The following OPTN variants were observed in gnomAD, a reference collection of about 807,000 sequenced individuals.
OPTN encodes the protein E3-14.7K-interacting protein.
In OPTN, 54 loss-of-function variants were observed where a neutral mutation model predicts 70.4. The ratio of observed to expected loss-of-function variants is 0.77; its 90% CI spans 0.62 to 0.96. The LOEUF is 0.96. OPTN is among the 40% of genes least tolerant of loss of function. The pLI is 0.00. For synonymous variants in OPTN, 256 were observed against 248.5 expected (o/e 1.03, Z -0.28); for missense variants, 624 against 673.2 (o/e 0.93, Z 0.81).
chr10:13,103,850 C>A (rs1330024695), intron 1 of OPTN, among the ~76,000 whole-genome samples: 1 of 152,174 alleles, frequency 6.6e-6, no homozygotes, highest in Non-Finnish European at 1.5e-5. Context: ...AGTCCTCAGT[C>A]TTCCTCATTG....
chr10:13,103,742 G>GCACACACACACACA (rs771828062), intron 1 of OPTN, among the ~76,000 whole-genome samples: 2,014 of 64,852 alleles, frequency 0.031, 34 homozygotes, highest in African/African-American at 0.053. Context: ...ACACACACAT[G>GCACACACACACACA]CACACACACA....
At chr10:13,117,794 A>G (rs748999061) in intron 6 of OPTN, among the ~76,000 whole-genome samples, 1 of 152,226 alleles carries the variant, frequency 6.6e-6, no homozygotes, top group Non-Finnish European at 1.5e-5. Context: ...ATGAATGTGC[A>G]TATAGAATGA....
Position 13,133,546 on chromosome 10 carries a change from G to A in OPTN, c.1577G>A (p.Ser526Asn). ...CAGAGTCGTCATGGGGCGAGAACAA[G>A]TGACTCTGACCAGCAGGCTTACCTT... is the stretch of plus-strand genomic sequence containing the variant. ...EMQSRHGART[S>N]DSDQQAYLVQ... Residue 526 changes from serine (S) to asparagine (N), a missense_variant, in exon 14 of 15, where the codon AGT becomes AAT. Physicochemically the swap from Ser to Asn is conservative, Grantham distance 46 (BLOSUM62 1). Transcript: ENST00000378747. The A allele has an allele frequency of 1.9e-6, 3 of 1,614,176 alleles. No individual in the cohort carries two copies. Among genetic ancestry groups the A allele is most frequent in the Middle Eastern group, 3.3e-4 (2 of 6,062 alleles).
At chr10:13,128,213 G>A (rs549996125) in intron 12 of OPTN, among the ~76,000 whole-genome samples, 1 of 152,224 alleles carries the variant, frequency 6.6e-6, no homozygotes, top group South Asian at 2.1e-4. Context: ...ACCTAGGAGT[G>A]GAGTCGCTGG....
chr10:13,127,373 C>G (rs1010901238), intron 11 of OPTN, among the ~76,000 whole-genome samples: 1 of 152,190 alleles, frequency 6.6e-6, no homozygotes, highest in African/African-American at 2.4e-5. Flanking sequence ...GGCAAAATAA[C>G]AGTATCAACG....
intron 14 of OPTN, among the ~76,000 whole-genome samples, chr10:13,135,021 A>G (rs921023393): frequency 6.6e-6 from 1 of 152,194 alleles, no homozygotes; most frequent in African/African-American, 2.4e-5. Flanking sequence ...ATGCTTTATG[A>G]TCAATACATA....
chr10:13,112,118 G>A (rs1414358740), intron 4 of OPTN, among the ~76,000 whole-genome samples: 2 of 150,220 alleles, frequency 1.3e-5, no homozygotes, highest in Admixed American at 6.6e-5. Flanking sequence ...CAAAGTGCTG[G>A]GATTACAGGC....
rs530715528 is a variant in OPTN, at chr10:13,130,893, T to A, written c.1402-1174T>A. Among the ~76,000 whole-genome samples, 113 of 152,276 alleles carry A rather than the reference T, an allele frequency of 7.4e-4. 1 individual carries two copies. The highest frequency in any genetic ancestry group is 2.6e-3 in the African/African-American group (108 of 41,560). ...AAGTGTTTTGTTATTTATAATTTTTTAAAAATTACTTAATTTTTAAAATGT... is the reference window on the plus strand; with the variant it reads ...AAGTGTTTTGTTATTTATAATTTTTAAAAAATTACTTAATTTTTAAAATGT... On this transcript the variant is annotated intron_variant, in intron 12 of 14. Coordinates refer to ENST00000378747, the MANE Select transcript of OPTN (RefSeq NM_001008212.2).
intron 10 of OPTN, 103 bp downstream of exon 10, chr10:13,125,670 C>A (rs1033008206): frequency 2.8e-6 from 4 of 1,429,992 alleles, no homozygotes; most frequent in African/African-American, 2.9e-5. Context: ...TAAAAAATTT[C>A]TTTTTCACTT....
intron 1 of OPTN, among the ~76,000 whole-genome samples, chr10:13,105,166 C>T (rs1010443821): frequency 7.2e-5 from 11 of 152,132 alleles, no homozygotes; most frequent in African/African-American, 2.7e-4. Flanking sequence ...ACCGTTTATG[C>T]TAACTTCTTA....
intron 9 of OPTN, 31 bp downstream of exon 9, chr10:13,124,141 T>A (rs375860150): frequency 2.3e-5 from 29 of 1,266,564 alleles, no homozygotes; most frequent in Non-Finnish European, 3.1e-5. Flanking sequence ...TTATCCTCCT[T>A]TGAAATATAC....
In OPTN at chr10:13,108,907, CGT is replaced by C. The variant is rs1491493090; in HGVS notation, c.-11-203_-11-202del. 70 of 586,994 alleles carry C rather than the reference CGT, an allele frequency of 1.2e-4. 1 individual carries two copies. The highest frequency in any genetic ancestry group is 1.7e-4 in the Admixed American group (7 of 40,832). The allele number at this position is 586,994 out of a possible 1,614,324, so 36.4% of individuals were successfully genotyped here. On this transcript the variant is annotated intron_variant, in intron 2 of 14. Coordinates refer to ENST00000378747, the MANE Select transcript of OPTN (RefSeq NM_001008212.2). ...GCACACACACACATGCACACATGCG[CGT>C]GCACACACACACACACTTTTCTGAA... is the stretch of plus-strand genomic sequence containing the variant.
chr10:13,100,655 G>A (rs532897041), intron 1 of OPTN, among the ~76,000 whole-genome samples: 18 of 152,324 alleles, frequency 1.2e-4, no homozygotes, highest in Admixed American at 3.9e-4. Context: ...CCAGTTCCTC[G>A]CCATAAGGAG....
chr10:13,119,125 T>TTAAA, intron 7 of OPTN, 85 bp downstream of exon 7: 1 of 1,230,232 alleles, frequency 8.1e-7, no homozygotes, highest in Non-Finnish European at 1.2e-6. Context: ...GTTCACCCAT[T>TTAAA]TAAAGTATAC....
intron 5 of OPTN, 112 bp downstream of exon 5, chr10:13,112,747 A>G (rs1833036710): frequency 2.9e-6 from 3 of 1,044,870 alleles, no homozygotes; most frequent in Non-Finnish European, 4.4e-6. Flanking sequence ...AGGAAATTCC[A>G]GTGTAGCAAA....
In OPTN at chr10:13,136,830, C is replaced by G. The variant is rs757577181; in HGVS notation, c.1698C>G (p.Asp566Glu). 2.5e-6 allele frequency: 4 copies of G among 1,614,218 alleles called. No homozygotes were observed. Among genetic ancestry groups the G allele is most frequent in the Non-Finnish European group, 3.4e-6 (4 of 1,180,030 alleles). ...PKCGEVLPDIDTLQIHVMDCI... is the reference protein window; with the variant it reads ...PKCGEVLPDIETLQIHVMDCI... ...GTGGAGAGGTTCTGCCTGACATAGA[C>G]ACGTTACAGATTCACGTGATGGATT... The change falls in exon 15 of 15, where the codon GAC (aspartate) becomes GAG (glutamate). Residue 566 changes from aspartate (D) to glutamate (E), a missense_variant. Physicochemically the swap from Asp to Glu is conservative, Grantham distance 45 (BLOSUM62 2). Transcript: ENST00000378747.
Position 13,115,511 on chromosome 10 carries a change from TA to T in OPTN, c.553-755del, listed in dbSNP as rs1367259884. On this transcript the variant is annotated intron_variant, in intron 5 of 14. Coordinates refer to ENST00000378747, the MANE Select transcript of OPTN (RefSeq NM_001008212.2). ...TCTATATTATATAATATAGAATATA[TA>T]TAATATATTCTATAATATATAATAT... 1.1e-3 allele frequency among the ~76,000 whole-genome samples: 114 copies of T among 105,744 alleles called. 2 individuals are homozygous for T. Among genetic ancestry groups the T allele is most frequent in the African/African-American group, 4.5e-3 (103 of 22,780 alleles). The allele number at this position is 105,744 out of a possible 152,430, so 69.4% of individuals were successfully genotyped here.
Position 13,108,190 on chromosome 10 carries a change from G to A in OPTN, c.-111G>A, listed in dbSNP as rs1036788514. On this transcript the variant is annotated 5_prime_UTR_variant, in exon 2 of 15. Coordinates refer to ENST00000378747, the MANE Select transcript of OPTN (RefSeq NM_001008212.2). ...CTTCCTGGCCTTGGATGAGCCGTAC[G>A]CCTCTGTAAACCCAACTTCCTCACC... 2.6e-5 allele frequency: 4 copies of A among 152,162 alleles called. No homozygotes were observed. The highest frequency in any genetic ancestry group is 9.7e-5 in the African/African-American group (4 of 41,444). The allele number at this position is 152,162 out of a possible 1,614,324, so 9.4% of individuals were successfully genotyped here.
At chr10:13,109,014 GAGTA>G (rs1832933099) in intron 2 of OPTN, 94 bp from the exon 3 acceptor site, 3 of 1,082,704 alleles carry the variant, frequency 2.8e-6, no homozygotes, top group Non-Finnish European at 4.3e-6. Flanking sequence ...GCAACTTTTG[GAGTA>G]AGTATTAGCA....
Sources: gnomAD v4.1 joint callset for allele counts (sites outside exome capture counted in the v4.1 genomes callset) on GRCh38, gnomAD v4.1.1 for gene constraint, MANE v1.5 for transcripts, NCBI Gene and HGNC (gene_info 2026-07-23, HGNC 2026-07-21) for gene names.